Variants in BCL2L14 observed in about 807,000 individuals in gnomAD.
BCL2L14 encodes apoptosis facilitator Bcl-2-like protein 14.
A neutral mutation model predicts 35.3 loss-of-function variants in BCL2L14; 27 were observed. The ratio of observed to expected loss-of-function variants is 0.76; its 90% CI spans 0.56 to 1.05. BCL2L14 has a LOEUF of 1.05. Ranked by LOEUF, BCL2L14 falls within the 50% of genes least tolerant of loss-of-function variation. BCL2L14 has a pLI of 0.00. For missense variants in BCL2L14, 377 were observed against 382.6 expected (o/e 0.99, Z 0.12); for synonymous variants, 139 against 145.9 (o/e 0.95, Z 0.34).
chr12:12,078,507 T>C (rs1265440035), intron 1 of BCL2L14, among the ~76,000 whole-genome samples: 1 of 152,244 alleles, frequency 6.6e-6, no homozygotes. Context: ...ACCCAAGTGC[T>C]AGTTCACTTA....
intron 1 of BCL2L14, among the ~76,000 whole-genome samples, chr12:12,074,445 CTTTT>C (rs774358690): frequency 9.9e-5 from 15 of 151,754 alleles, no homozygotes; most frequent in African/African-American, 3.2e-4. Flanking sequence ...TTCTTTTTTT[CTTTT>C]TATTATTTTT....
chr12:12,081,204 T>C (rs1391655720), intron 2 of BCL2L14, among the ~76,000 whole-genome samples: 7 of 151,892 alleles, frequency 4.6e-5, no homozygotes, highest in African/African-American at 9.7e-5. Context: ...CTCTCAGCAC[T>C]GTGGGAAACC....
Position 12,090,884 on chromosome 12 carries a change from T to C in BCL2L14, c.678+35T>C, listed in dbSNP as rs1474838187. The C allele has an allele frequency of 2.0e-6, 3 of 1,535,194 alleles. No homozygotes were observed. In the South Asian group the frequency reaches 3.5e-5, roughly 18 times the overall value. Reference sequence around the variant, plus strand: ...ACCTTGAACTGATGCGATTGATTTCTGTGCCCATGCACTAGTACACGAGAA... The same window carrying C: ...ACCTTGAACTGATGCGATTGATTTCCGTGCCCATGCACTAGTACACGAGAA... On this transcript the variant is annotated intron_variant, in intron 4 of 5. Transcript: ENST00000308721.
At chr12:12,054,300 C>G (rs559156166) in intron 2 of BCL2L14, among the ~76,000 whole-genome samples, 1 of 152,130 alleles carries the variant, frequency 6.6e-6, no homozygotes, top group African/African-American at 2.4e-5. Context: ...GTCAGGAGTT[C>G]GAGACCAGCC....
intron 1 of BCL2L14, among the ~76,000 whole-genome samples, chr12:12,074,455 T>C (rs892173138): frequency 6.6e-6 from 1 of 151,612 alleles, no homozygotes; most frequent in African/African-American, 2.4e-5. Flanking sequence ...CTTTTTATTA[T>C]TTTTTTTTGA....
chr12:12,056,802 C>G (rs1421732045), intron 2 of BCL2L14, among the ~76,000 whole-genome samples: 1 of 151,524 alleles, frequency 6.6e-6, no homozygotes, highest in Non-Finnish European at 1.5e-5. Flanking sequence ...CGCCACTGCA[C>G]TCCAGCCTGG....
At chr12:12,079,250 G>T in intron 1 of BCL2L14, 49 bp from the exon 2 acceptor site, 1 of 1,480,852 alleles carries the variant, frequency 6.8e-7, no homozygotes, top group Non-Finnish European at 9.3e-7. Flanking sequence ...ACCTGCAAAG[G>T]GTAAGTGGCC....
Position 12,079,743 on chromosome 12 carries a change from G to A in BCL2L14, c.433+5G>A, listed in dbSNP as rs757812517. The A allele has an allele frequency of 3.1e-6, 5 of 1,606,634 alleles. No individual in the cohort carries two copies. The highest frequency in any genetic ancestry group is 3.4e-6 in the Non-Finnish European group (4 of 1,176,016). On this transcript the variant is annotated splice_donor_5th_base_variant and intron_variant, in intron 2 of 5. Coordinates refer to ENST00000308721, the MANE Select transcript of BCL2L14 (RefSeq NM_138723.2). Reference sequence around the variant, plus strand: ...AGCAGTGCTTGGAGCATGAAGGTAGGCATCTGGGATTTCTTTCTCTCCCGC... The same window carrying A: ...AGCAGTGCTTGGAGCATGAAGGTAGACATCTGGGATTTCTTTCTCTCCCGC...
chr12:12,073,179 C>T (rs1366545064), intron 1 of BCL2L14, among the ~76,000 whole-genome samples: 2 of 152,188 alleles, frequency 1.3e-5, no homozygotes, highest in East Asian at 3.9e-4. Flanking sequence ...CCGGCATCTA[C>T]ATTTGTTAAA....
chr12:12,061,246 A>G (rs987421648), intron 2 of BCL2L14, among the ~76,000 whole-genome samples: 31 of 150,270 alleles, frequency 2.1e-4, no homozygotes, highest in Non-Finnish European at 3.6e-4. Context: ...CCTCCTTCAC[A>G]TCCTCCCCTT....
At chr12:12,067,562 A>AG (rs1475381183), upstream of BCL2L14, among the ~76,000 whole-genome samples, 1 of 152,114 alleles carries the variant, frequency 6.6e-6, no homozygotes, top group Non-Finnish European at 1.5e-5. Context: ...AGAAAAAAAA[A>AG]GAATCATCCT....
chr12:12,063,132 C>A (rs1948550364), intron 2 of BCL2L14, among the ~76,000 whole-genome samples: 1 of 151,462 alleles, frequency 6.6e-6, no homozygotes, highest in Non-Finnish European at 1.5e-5. Context: ...CTACTATCTT[C>A]TGTCTAGTCA....
intron 1 of BCL2L14, 48 bp from the exon 2 acceptor site, chr12:12,079,251 G>T (rs755725657): frequency 1.3e-6 from 2 of 1,486,800 alleles, no homozygotes; most frequent in Non-Finnish European, 1.8e-6. Flanking sequence ...CCTGCAAAGG[G>T]TAAGTGGCCC....
At chr12:12,055,107 G>C (rs949070608) in intron 2 of BCL2L14, 1 of 152,156 alleles carries the variant, frequency 6.6e-6, no homozygotes, top group Non-Finnish European at 1.5e-5. Flanking sequence ...GGCTGGAGAG[G>C]TTGAACAATT....
chr12:12,054,440 GT>G (rs2136706877), intron 2 of BCL2L14, among the ~76,000 whole-genome samples: 1 of 151,174 alleles, frequency 6.6e-6, no homozygotes, highest in South Asian at 2.1e-4. Context: ...GGAGGTGGAG[GT>G]TGCAGTGAGC....
At chr12:12,059,791 T>C (rs566446866) in intron 2 of BCL2L14, among the ~76,000 whole-genome samples, 13 of 152,284 alleles carry the variant, frequency 8.5e-5, no homozygotes, top group Non-Finnish European at 1.3e-4. Flanking sequence ...GCAATGCCGC[T>C]TGACCCCAAT....
intron 4 of BCL2L14, 97 bp downstream of exon 4, chr12:12,090,946 C>T (rs1023894446): frequency 2.7e-5 from 23 of 861,408 alleles, no homozygotes; most frequent in Non-Finnish European, 3.9e-5. Flanking sequence ...TATTCCCTTT[C>T]TAAGTCCTGG....
chr12:12,079,515 G>A lies in BCL2L14; in HGVS notation c.210G>A (p.Val70=), dbSNP rs750329698. ...CAGCAAATGAGTCATGGACAGAGGT[G>A]TCATGGCCTTGCAGAAATTCCCAAT... ...NCSANESWTE[V]SWPCRNSQSS... Residue 70 remains valine, a synonymous_variant, in exon 2 of 6, where the codon GTG becomes GTA. Coordinates refer to ENST00000308721, the MANE Select transcript of BCL2L14 (RefSeq NM_138723.2). 28 of 1,614,114 alleles carry A rather than the reference G, an allele frequency of 1.7e-5. No individual in the cohort carries two copies. Among genetic ancestry groups the A allele is most frequent in the Non-Finnish European group, 1.9e-5 (23 of 1,180,056 alleles).
intron 2 of BCL2L14, among the ~76,000 whole-genome samples, chr12:12,082,085 T>C (rs1948941031): frequency 6.6e-6 from 1 of 152,220 alleles, no homozygotes; most frequent in Non-Finnish European, 1.5e-5. Flanking sequence ...GTGGGAGTTA[T>C]GGTCAGGATC....
Sources: allele counts gnomAD v4.1 joint callset (sites outside exome capture counted in the v4.1 genomes callset), GRCh38; gene constraint gnomAD v4.1.1; transcripts MANE v1.5; gene names NCBI Gene and HGNC (gene_info 2026-07-23, HGNC 2026-07-21).